Variants in TUSC3 observed in about 807,000 individuals in gnomAD.
The protein encoded by TUSC3 is dolichyl-diphosphooligosaccharide--protein glycosyltransferase subunit TUSC3.
A neutral mutation model predicts 44.8 loss-of-function variants in TUSC3; 45 were observed. The observed-to-expected ratio is 1.00, with a 90% CI of 0.79 to 1.29. TUSC3 has a LOEUF of 1.29. TUSC3 is among the 50% of genes most tolerant of loss of function. The pLI is 0.00. For synonymous variants in TUSC3, 212 were observed against 152.9 expected, an observed-to-expected ratio of 1.39 and a Z score of -2.85; for missense variants, 519 against 437.9, an observed-to-expected ratio of 1.19 and a Z score of -1.65.
intron 1 of TUSC3, among the ~76,000 whole-genome samples, chr8:15,430,936 G>T (rs550616734): frequency 6.6e-6 from 1 of 151,612 alleles, no homozygotes; most frequent in Non-Finnish European, 1.5e-5. Context: ...TGTAATTATT[G>T]TTGACTGTCC....
Position 15,454,119 on chromosome 8 carries a change from G to A in TUSC3, n.92-29267G>A, listed in dbSNP as rs143403340. 1.7e-4 allele frequency among the ~76,000 whole-genome samples: 26 copies of A among 152,286 alleles called. No homozygotes were observed. In the East Asian group the frequency reaches 4.8e-3, roughly 28 times the overall value. On this transcript the variant is annotated intron_variant and non_coding_transcript_variant, in intron 1 of 5. Coordinates refer to the TUSC3 transcript ENST00000503191. ...TGGCAGGCCACTGCACATGTGGACAGCCCACCCCAAGGGAAGAATCAAGGG... is the reference window on the plus strand; with the variant it reads ...TGGCAGGCCACTGCACATGTGGACAACCCACCCCAAGGGAAGAATCAAGGG...
At chr8:15,730,249 G>A (rs958210640) in intron 6 of TUSC3, among the ~76,000 whole-genome samples, 4 of 151,978 alleles carry the variant, frequency 2.6e-5, no homozygotes, top group Middle Eastern at 3.2e-3. Context: ...AGCTGACTCC[G>A]TATTTTAAAA....
At chr8:15,624,508 A>T (rs1002947335) in intron 2 of TUSC3, among the ~76,000 whole-genome samples, 1 of 152,204 alleles carries the variant, frequency 6.6e-6, no homozygotes, top group Admixed American at 6.5e-5. Context: ...ATTCTGATAG[A>T]TACTGTAGTA....
intron 6 of TUSC3, among the ~76,000 whole-genome samples, chr8:15,714,603 C>G (rs976941334): frequency 5.3e-5 from 8 of 152,048 alleles, no homozygotes; most frequent in African/African-American, 1.7e-4. Flanking sequence ...TGGTATTAAT[C>G]CAGATATTTC....
At chr8:15,527,912 TTC>T (rs983875633) in intron 2 of TUSC3, among the ~76,000 whole-genome samples, 3 of 152,226 alleles carry the variant, frequency 2.0e-5, no homozygotes, top group Non-Finnish European at 4.4e-5. Flanking sequence ...TAAAACAATT[TTC>T]TTTTAGTAAT....
At chr8:15,668,400 T>C (rs1176109250) in intron 5 of TUSC3, among the ~76,000 whole-genome samples, 1 of 151,772 alleles carries the variant, frequency 6.6e-6, no homozygotes, top group Non-Finnish European at 1.5e-5. Context: ...TGTTTGTTCA[T>C]GTTTATTCAT....
chr8:15,572,597 G>A (rs909677172), intron 1 of TUSC3, among the ~76,000 whole-genome samples: 4 of 152,180 alleles, frequency 2.6e-5, no homozygotes, highest in East Asian at 3.9e-4. Flanking sequence ...TGCAAGAGGT[G>A]TAGCTTTTGG....
the TUSC3 span, among the ~76,000 whole-genome samples, chr8:15,821,036 C>T: frequency 3.9e-5 from 6 of 152,240 alleles, no homozygotes; most frequent in African/African-American, 9.6e-5. Context: ...TATTTCTCTT[C>T]AACTTGAAAA....
intron 1 of TUSC3, among the ~76,000 whole-genome samples, chr8:15,461,890 T>C (rs1373906080): frequency 6.6e-6 from 1 of 151,938 alleles, no homozygotes; most frequent in African/African-American, 2.4e-5. Flanking sequence ...AAACTACGTA[T>C]AAAAAAATAC....
Position 15,443,336 on chromosome 8 carries a change from T to TTTTG in TUSC3, n.91+26032_91+26033insTTGT, listed in dbSNP as rs1403657390. 4.9e-3 allele frequency among the ~76,000 whole-genome samples: 648 copies of TTTTG among 132,976 alleles called. 4 individuals are homozygous for TTTTG. Among genetic ancestry groups the TTTTG allele is most frequent in the African/African-American group, 0.018 (607 of 34,588 alleles). 87.2% of individuals were successfully genotyped at this position (132,976 alleles called of 152,430 possible). ...GGTATACAACACCACACCCACCTAA[T>TTTTG]TGTGTGTGTGTGTGTGTGTGTGTGT... is the stretch of plus-strand genomic sequence containing the variant. On this transcript the variant is annotated intron_variant and non_coding_transcript_variant, in intron 1 of 5. Coordinates refer to the TUSC3 transcript ENST00000503191.
intron 1 of TUSC3, among the ~76,000 whole-genome samples, chr8:15,571,865 C>CT (rs1001414205): frequency 5.3e-5 from 8 of 152,090 alleles, no homozygotes; most frequent in African/African-American, 1.7e-4. Flanking sequence ...TGAGAGGAAT[C>CT]TTTTTTTTCT....
At chr8:15,625,438 G>A (rs550639004) in intron 2 of TUSC3, among the ~76,000 whole-genome samples, 3 of 152,248 alleles carry the variant, frequency 2.0e-5, no homozygotes, top group Admixed American at 2.0e-4. Context: ...TAAGTGTTTG[G>A]TAGCATTTTC....
chr8:15,699,124 A>G (rs1396710382), intron 6 of TUSC3, among the ~76,000 whole-genome samples: 2 of 152,220 alleles, frequency 1.3e-5, no homozygotes. Flanking sequence ...CCAGGATTAC[A>G]GAGGTGAGCC....
intron 7 of TUSC3, among the ~76,000 whole-genome samples, chr8:15,737,561 TAATC>T (rs1255899258): frequency 6.6e-5 from 10 of 152,154 alleles, no homozygotes; most frequent in Non-Finnish European, 1.3e-4. Context: ...GCCATGATAT[TAATC>T]AATAAAAATG....
At chr8:15,423,485 C>T (rs950863581) in intron 1 of TUSC3, among the ~76,000 whole-genome samples, 1 of 152,172 alleles carries the variant, frequency 6.6e-6, no homozygotes, top group Admixed American at 6.6e-5. Context: ...AGGGGAACAG[C>T]ATCTTTAAGT....
intron 1 of TUSC3, among the ~76,000 whole-genome samples, chr8:15,457,082 C>G (rs886541885): frequency 6.7e-6 from 1 of 149,242 alleles, no homozygotes; most frequent in Admixed American, 6.9e-5. Context: ...AAACCAAACA[C>G]TGCGTGTTCT....
chr8:15,758,224 C>A, intron 10 of TUSC3: 1 of 1,010,264 alleles, frequency 9.9e-7, no homozygotes, highest in Non-Finnish European at 1.2e-6. Context: ...TTCCCATTAA[C>A]AAATAATGTA....
intron 1 of TUSC3, among the ~76,000 whole-genome samples, chr8:15,471,468 C>A (rs940231606): frequency 1.5e-4 from 23 of 152,038 alleles, no homozygotes; most frequent in African/African-American, 5.6e-4. Flanking sequence ...AAGTAAATAT[C>A]TTAATACTAA....
chr8:15,677,087 T>C (rs1808224486), intron 6 of TUSC3, among the ~76,000 whole-genome samples: 1 of 152,118 alleles, frequency 6.6e-6, no homozygotes, highest in South Asian at 2.1e-4. Context: ...GGTACGATCA[T>C]AGCTCACCGC....
Sources: gnomAD v4.1 joint callset for allele counts (sites outside exome capture counted in the v4.1 genomes callset) on GRCh38, gnomAD v4.1.1 for gene constraint, MANE v1.5 for transcripts, NCBI Gene and HGNC (gene_info 2026-07-23, HGNC 2026-07-21) for gene names.